The following GRIP1 variants were observed in gnomAD, a reference collection of about 807,000 sequenced individuals.
The protein encoded by GRIP1 is glutamate receptor interacting protein 1, also known as glutamate receptor-interacting protein 1.
In GRIP1, 45 loss-of-function variants were observed where a neutral mutation model predicts 129.9. That is an observed-to-expected ratio of 0.35 (90% confidence interval 0.27 to 0.44). The LOEUF is 0.44. Ranked by LOEUF, GRIP1 falls within the 20% of genes least tolerant of loss-of-function variation. GRIP1 has a pLI of 1.00. For missense variants in GRIP1, 1,196 were observed against 1,396.8 expected (o/e 0.86, Z 2.29); for synonymous variants, 530 against 520.8 (o/e 1.02, Z -0.24).
At chr12:66,676,970 C>T (rs558034277) in intron 1 of GRIP1, among the ~76,000 whole-genome samples, 143 of 152,136 alleles carry the variant, frequency 9.4e-4, no homozygotes, top group Non-Finnish European at 1.8e-3. Context: ...CCGTGTTACT[C>T]AGGTGCATTC....
chr12:66,851,640 T>C (rs537423881), intron 1 of GRIP1, among the ~76,000 whole-genome samples: 1 of 152,140 alleles, frequency 6.6e-6, no homozygotes, highest in African/African-American at 2.4e-5. Context: ...CTGAACTCAG[T>C]TTCTCCATTT....
At chr12:66,681,734 A>C (rs941731137), upstream of GRIP1, among the ~76,000 whole-genome samples, 1 of 152,184 alleles carries the variant, frequency 6.6e-6, no homozygotes, top group African/African-American at 2.4e-5. Flanking sequence ...TCTGAAGAAG[A>C]GTGAGTGAGC....
At chr12:67,007,014 A>T (rs2042636745) in intron 1 of GRIP1, among the ~76,000 whole-genome samples, 1 of 152,226 alleles carries the variant, frequency 6.6e-6, no homozygotes. Flanking sequence ...ATAACATAGG[A>T]TAATATACAT....
rs1231636785 is a variant in GRIP1, at chr12:66,455,471, G to A, written c.1292C>T (p.Ser431Phe). The A allele has an allele frequency of 9.3e-6, 15 of 1,613,968 alleles. No individual in the cohort carries two copies. Among genetic ancestry groups the A allele is most frequent in the Non-Finnish European group, 1.3e-5 (15 of 1,179,818 alleles). Residue 431 changes from serine to phenylalanine, a missense_variant, in exon 11 of 25, where the codon TCC becomes TTC. Physicochemically the swap from Ser to Phe is radical, Grantham distance 155. Coordinates refer to ENST00000359742, the MANE Select transcript of GRIP1 (RefSeq NM_001366722.1). The part of the protein sequence containing the change: ...NMGTLPRSLY[S>F]TSPRGTMMRR... ...CATCATGGTTCCACGTGGGCTGGTG[G>A]AGTAGAGGCTTCGAGGTAGAGTCCC... is the stretch of plus-strand genomic sequence containing the variant.
intron 1 of GRIP1, among the ~76,000 whole-genome samples, chr12:66,662,725 C>T (rs951358757): frequency 2.6e-5 from 4 of 152,166 alleles, no homozygotes; most frequent in Admixed American, 6.5e-5. Context: ...TGATATTCTA[C>T]CCTGTTTCTC....
chr12:67,008,384 T>C (rs764758391), intron 1 of GRIP1, among the ~76,000 whole-genome samples: 4 of 152,200 alleles, frequency 2.6e-5, no homozygotes, highest in Non-Finnish European at 4.4e-5. Context: ...AGGTTTATCT[T>C]AAAGACTTCC....
intron 1 of GRIP1, among the ~76,000 whole-genome samples, chr12:66,991,770 GTA>G (rs1299360895): frequency 6.6e-6 from 1 of 152,156 alleles, no homozygotes; most frequent in Non-Finnish European, 1.5e-5. Flanking sequence ...TTAGCAATAA[GTA>G]TATTTTAATC....
intron 23 of GRIP1, among the ~76,000 whole-genome samples, chr12:66,363,228 T>A (rs1442821119): frequency 8.0e-6 from 1 of 124,608 alleles, no homozygotes; most frequent in African/African-American, 2.9e-5. Flanking sequence ...TATATATATA[T>A]AAAGTTTCTG....
intron 2 of GRIP1, among the ~76,000 whole-genome samples, chr12:66,566,771 T>G (rs1036389485): frequency 1.3e-5 from 2 of 152,200 alleles, no homozygotes; most frequent in Non-Finnish European, 2.9e-5. Context: ...CAGGACTTTT[T>G]TTGGTTGGTA....
intron 19 of GRIP1, among the ~76,000 whole-genome samples, chr12:66,387,908 A>C (rs2056422509): frequency 6.6e-6 from 1 of 152,238 alleles, no homozygotes; most frequent in Admixed American, 6.5e-5. Flanking sequence ...CTCTGACTGC[A>C]CATGTTGGTG....
chr12:66,780,838 C>T (rs1464325214), intron 1 of GRIP1, among the ~76,000 whole-genome samples: 1 of 152,176 alleles, frequency 6.6e-6, no homozygotes, highest in Non-Finnish European at 1.5e-5. Context: ...TGTGAGAAAG[C>T]TCAAACTAGC....
chr12:66,769,405 A>G (rs1184674286), intron 1 of GRIP1, among the ~76,000 whole-genome samples: 2 of 151,786 alleles, frequency 1.3e-5, no homozygotes, highest in African/African-American at 2.4e-5. Context: ...CCACTGTTTT[A>G]CCTCCTCTTT....
intron 1 of GRIP1, among the ~76,000 whole-genome samples, chr12:66,867,641 A>G (rs1293998806): frequency 1.3e-5 from 2 of 152,196 alleles, no homozygotes; most frequent in East Asian, 1.9e-4. Flanking sequence ...ATTATTAAAT[A>G]CCATTCTTTG....
intron 1 of GRIP1, among the ~76,000 whole-genome samples, chr12:66,742,764 A>C (rs2036827467): frequency 6.6e-6 from 1 of 152,186 alleles, no homozygotes; most frequent in Non-Finnish European, 1.5e-5. Context: ...AGAGAAGAAA[A>C]GGGCAAATGA....
At chr12:66,591,456 C>T (rs1592612419) in intron 2 of GRIP1, among the ~76,000 whole-genome samples, 1 of 152,068 alleles carries the variant, frequency 6.6e-6, no homozygotes, top group African/African-American at 2.4e-5. Context: ...AACTGAGAAG[C>T]AAAGGTACTT....
chr12:66,722,871 C>T (rs2036102201), intron 1 of GRIP1, among the ~76,000 whole-genome samples: 1 of 152,138 alleles, frequency 6.6e-6, no homozygotes, highest in Admixed American at 6.5e-5. Context: ...TCCCCAGTCA[C>T]GTTACTTGAA....
intron 23 of GRIP1, among the ~76,000 whole-genome samples, chr12:66,368,439 G>A (rs1381719199): frequency 6.6e-6 from 1 of 152,112 alleles, no homozygotes; most frequent in Non-Finnish European, 1.5e-5. Context: ...GGAAAATAAC[G>A]CCAAGCATGT....
intron 1 of GRIP1, among the ~76,000 whole-genome samples, chr12:66,667,382 T>C (rs972771994): frequency 6.6e-6 from 1 of 152,202 alleles, no homozygotes; most frequent in Non-Finnish European, 1.5e-5. Context: ...TGAATGCTTC[T>C]GAGGCTACTC....
At chr12:66,858,235 G>A (rs2040041094) in intron 1 of GRIP1, among the ~76,000 whole-genome samples, 1 of 151,792 alleles carries the variant, frequency 6.6e-6, no homozygotes, top group African/African-American at 2.4e-5. Flanking sequence ...TTTCCAAATG[G>A]TCTGTATGCT....
Sources: allele counts gnomAD v4.1 joint callset (sites outside exome capture counted in the v4.1 genomes callset), GRCh38; gene constraint gnomAD v4.1.1; transcripts MANE v1.5; gene names NCBI Gene and HGNC (gene_info 2026-07-23, HGNC 2026-07-21).